The following GRTP1 variants were observed in gnomAD, a reference collection of about 807,000 sequenced individuals.
GRTP1 encodes growth hormone-regulated TBC protein 1.
In GRTP1, 56 loss-of-function variants were observed where a neutral mutation model predicts 38.1. The observed-to-expected ratio is 1.47, with a 90% CI of 1.19 to 1.84. The LOEUF is 1.84. Ranked by LOEUF, GRTP1 falls within the 40% of genes most tolerant of loss-of-function variation. GRTP1 has a pLI of 0.00. For synonymous variants in GRTP1, 217 were observed against 189.5 expected (o/e 1.14, Z -1.19); for missense variants, 506 against 453.9 (o/e 1.11, Z -1.04).
At chr13:113,336,298 GT>G (rs67179331) in intron 5 of GRTP1, among the ~76,000 whole-genome samples, 71 of 20,996 alleles carry the variant, frequency 3.4e-3, no homozygotes, top group Admixed American at 4.5e-3. Flanking sequence ...GAATAAGGTA[GT>G]TTTTTTTTTT....
chr13:113,336,394 T>C (rs1279755668), intron 5 of GRTP1, among the ~76,000 whole-genome samples: 1 of 150,568 alleles, frequency 6.6e-6, no homozygotes, highest in Non-Finnish European at 1.5e-5. Flanking sequence ...AGGTGTAAGA[T>C]TCAGTCCCAA....
intron 5 of GRTP1, among the ~76,000 whole-genome samples, chr13:113,328,504 A>C (rs1445263185): frequency 6.6e-6 from 1 of 152,188 alleles, no homozygotes; most frequent in Non-Finnish European, 1.5e-5. Flanking sequence ...ATTAGAAAAC[A>C]AAAGGTGTGA....
intron 5 of GRTP1, among the ~76,000 whole-genome samples, chr13:113,341,359 T>C (rs535031513): frequency 6.6e-6 from 1 of 151,468 alleles, no homozygotes; most frequent in East Asian, 2.0e-4. Flanking sequence ...CTCTGTCCCC[T>C]GGGTTCAAGC....
At chr13:113,352,175 A>G (rs1182103691) in intron 3 of GRTP1, among the ~76,000 whole-genome samples, 2 of 146,678 alleles carry the variant, frequency 1.4e-5, no homozygotes, top group East Asian at 3.9e-4. Flanking sequence ...GCTATTTCAG[A>G]CTAGAGTGAC....
chr13:113,329,766 G>T lies in GRTP1; in HGVS notation c.563-3675C>A, dbSNP rs571577565. On this transcript the variant is annotated intron_variant, in intron 5 of 7. Transcript: ENST00000375431. ...GGCTTGCACCAAAAATACCATTTGT[G>T]GGGCTCACCCCCACTGATAGGGGTA... is the stretch of plus-strand genomic sequence containing the variant. Among the ~76,000 whole-genome samples the T allele has an allele frequency of 1.2e-3, 178 of 152,282 alleles. 1 individual carries two copies. Among genetic ancestry groups the T allele is most frequent in the Non-Finnish European group, 2.1e-3 (145 of 68,030 alleles).
rs2043043540 is a variant in GRTP1, at chr13:113,342,731, T to C, written c.562+2132A>G. The stretch of plus-strand genomic sequence containing the variant: ...TAGAGAAGGACATATATTTGCCTCT[T>C]TTCTCTGCCGCTGGGAGAGCTCTGC... On this transcript the variant is annotated intron_variant, in intron 5 of 7. Coordinates refer to ENST00000375431, the MANE Select transcript of GRTP1 (RefSeq NM_024719.4). The surrounding 1 kb of genome is among the most constrained non-coding windows in gnomAD (Gnocchi z 4.5). 6.6e-6 allele frequency among the ~76,000 whole-genome samples: 1 copy of C among 152,160 alleles called. No homozygotes were observed. The highest frequency in any genetic ancestry group is 1.5e-5 in the Non-Finnish European group (1 of 68,022).
intron 2 of GRTP1, among the ~76,000 whole-genome samples, chr13:113,358,591 G>A (rs1186166095): frequency 3.3e-5 from 5 of 152,218 alleles, no homozygotes; most frequent in Admixed American, 6.5e-5. Flanking sequence ...GACAGACAAC[G>A]TGGTACTGAA....
intron 4 of GRTP1, among the ~76,000 whole-genome samples, chr13:113,347,349 GCCAAGAACAGATCCGGGAGGACCT>G (rs2043167229): frequency 1.3e-5 from 1 of 76,554 alleles, no homozygotes; most frequent in Admixed American, 1.1e-4. Context: ...GACCTCTGTG[GCCAAGAACAGATCCGGGAGGACCT>G]CTGAAGCCGA....
chr13:113,338,943 CA>C (rs2042992178), intron 5 of GRTP1, among the ~76,000 whole-genome samples: 1 of 141,156 alleles, frequency 7.1e-6, no homozygotes, highest in Non-Finnish European at 1.5e-5. Context: ...GACGGAGCTT[CA>C]CTCTTGTTGC....
rs1347258260 is a variant in GRTP1, at chr13:113,349,609, TAC to T, written c.465+1238_465+1239del. 6.6e-6 allele frequency among the ~76,000 whole-genome samples: 1 copy of T among 152,192 alleles called. No homozygotes were observed. Among genetic ancestry groups the T allele is most frequent in the Non-Finnish European group, 1.5e-5 (1 of 68,028 alleles). On this transcript the variant is annotated intron_variant, in intron 4 of 7. Transcript: ENST00000375431. This position sits in a 1 kb window ranked among gnomAD's most constrained non-coding sequence, Gnocchi z 5.0. ...ACCCGACACGGCACTGCCAGCCAGC[TAC>T]AGAGCCACACACGCACAGCACGTGG...
chr13:113,336,301 T>TTTTTTTG (rs199898872), intron 5 of GRTP1, among the ~76,000 whole-genome samples: 581 of 24,236 alleles, frequency 0.024, 7 homozygotes, highest in African/African-American at 0.028. Flanking sequence ...TAAGGTAGTT[T>TTTTTTTG]TTTTTTTTTT....
At chr13:113,354,990 C>T (rs1465290633) in intron 3 of GRTP1, among the ~76,000 whole-genome samples, 1 of 152,202 alleles carries the variant, frequency 6.6e-6, no homozygotes, top group Non-Finnish European at 1.5e-5. Context: ...CAGCTGCGTC[C>T]GAAGGCCGCG....
Position 113,363,919 on chromosome 13 carries a change from C to G in GRTP1, c.33-9G>C, listed in dbSNP as rs778456709. 1.5e-5 allele frequency: 24 copies of G among 1,608,438 alleles called. No homozygotes were observed. In the African/African-American group the frequency reaches 2.7e-4, roughly 18 times the overall value. On this transcript the variant is annotated splice_polypyrimidine_tract_variant and intron_variant, in intron 1 of 7. Transcript: ENST00000375431. ...ATCCGTACGGGTCGATCCTGCAAAACCGAGAGAAGGAGGCCGGCGTCCCCG... is the reference window on the plus strand; with the variant it reads ...ATCCGTACGGGTCGATCCTGCAAAAGCGAGAGAAGGAGGCCGGCGTCCCCG...
chr13:113,332,433 C>A (rs373762302), intron 5 of GRTP1, among the ~76,000 whole-genome samples: 1 of 148,962 alleles, frequency 6.7e-6, no homozygotes, highest in Non-Finnish European at 1.5e-5. Context: ...ACCACACAGG[C>A]ACACACGTGC....
rs1243395797 is a variant in GRTP1, at chr13:113,349,828, T to C, written c.465+1021A>G. ...CTGCATTTTCTGGTTGGTGCACGCC[T>C]GGCTCCCGGCTCCTACAGGAAGTTT... On this transcript the variant is annotated intron_variant, in intron 4 of 7. Coordinates refer to ENST00000375431, the MANE Select transcript of GRTP1 (RefSeq NM_024719.4). This position sits in a 1 kb window ranked among gnomAD's most constrained non-coding sequence, Gnocchi z 5.0. Among the ~76,000 whole-genome samples the C allele has an allele frequency of 6.6e-6, 1 of 152,180 alleles. No individual in the cohort carries two copies.
At chr13:113,346,189 T>C (rs1485929055) in intron 4 of GRTP1, among the ~76,000 whole-genome samples, 78 of 137,424 alleles carry the variant, frequency 5.7e-4, no homozygotes, top group Non-Finnish European at 7.4e-4. Flanking sequence ...AGGACCTCTG[T>C]GGCTGAGAGC....
intron 4 of GRTP1, among the ~76,000 whole-genome samples, chr13:113,346,121 G>C (rs1488436376): frequency 5.8e-5 from 8 of 137,016 alleles, no homozygotes; most frequent in African/African-American, 1.7e-4. Flanking sequence ...GACCCGGGAG[G>C]ACCTCTGTGG....
chr13:113,364,139 C>T, upstream of GRTP1: 8 of 968,190 alleles, frequency 8.3e-6, no homozygotes, highest in South Asian at 3.3e-4. Context: ...CCGGCGGGAC[C>T]GCGGGCGCGT....
In GRTP1 at chr13:113,343,950, T is replaced by A. The variant is rs1330295017; in HGVS notation, c.562+913A>T. 1.3e-5 allele frequency among the ~76,000 whole-genome samples: 2 copies of A among 152,232 alleles called. No individual in the cohort carries two copies. The highest frequency in any genetic ancestry group is 2.4e-5 in the African/African-American group (1 of 41,472). ...CCAAGTGACTTGAGCCTGCAGCTCATCGTCTGCACTGGCCTTCACCATAAC... is the reference window on the plus strand; with the variant it reads ...CCAAGTGACTTGAGCCTGCAGCTCAACGTCTGCACTGGCCTTCACCATAAC... On this transcript the variant is annotated intron_variant, in intron 5 of 7. Transcript: ENST00000375431. This position sits in a 1 kb window ranked among gnomAD's most constrained non-coding sequence, Gnocchi z 4.8.
Sources: gnomAD v4.1 joint callset for allele counts (sites outside exome capture counted in the v4.1 genomes callset) on GRCh38, gnomAD v4.1.1 for gene constraint, Gnocchi (gnomAD v3.1) non-coding constraint, MANE v1.5 for transcripts, NCBI Gene and HGNC (gene_info 2026-07-23, HGNC 2026-07-21) for gene names.